The following SHOX variants were observed in gnomAD, a reference collection of about 807,000 sequenced individuals.
SHOX encodes the protein SHOX homeobox.
A neutral mutation model predicts 29.6 loss-of-function variants in SHOX; 12 were observed. That is an observed-to-expected ratio of 0.41 (90% confidence interval 0.26 to 0.66). The LOEUF is 0.66. Ranked by LOEUF, SHOX falls within the 30% of genes least tolerant of loss-of-function variation. The pLI is 0.35. For missense variants in SHOX, 499 were observed against 437.7 expected, an observed-to-expected ratio of 1.14 and a Z score of -1.25; for synonymous variants, 214 against 200.6, an observed-to-expected ratio of 1.07 and a Z score of -0.57.
At chrX:652,988 C>T (rs956659818), downstream of SHOX, among the ~76,000 whole-genome samples, 1 of 152,172 alleles carries the variant, frequency 6.6e-6, no homozygotes, top group African/African-American at 2.4e-5. Context: ...CGCCTGTCAT[C>T]CCAGCACTTT....
At position 634,845 on chromosome X, in the gene SHOX, G is replaced by C. The variant is rs771813123; in HGVS notation, c.486+19G>C. 1.9e-6 allele frequency: 3 copies of C among 1,549,676 alleles called. No homozygotes were observed. Among genetic ancestry groups the C allele is most frequent in the South Asian group, 2.4e-5 (2 of 84,344 alleles). On this transcript the variant is annotated intron_variant, in intron 2 of 4. Coordinates refer to ENST00000686671, the MANE Select transcript of SHOX (RefSeq NM_000451.4). ...CGTGCAGGTAGGAACCCGGGGGCGG[G>C]GGCGGGGGGCCCGGAGCCATCGCCT...
chrX:639,885 C>T (rs1339982926), intron 2 of SHOX, among the ~76,000 whole-genome samples: 1 of 151,296 alleles, frequency 6.6e-6, no homozygotes, highest in Non-Finnish European at 1.5e-5. Flanking sequence ...CCTGTAATTC[C>T]AGCTACTCGG....
chrX:657,969 GTCTCTC>G (rs763260813), intron 5 of SHOX, among the ~76,000 whole-genome samples: 67 of 151,368 alleles, frequency 4.4e-4, no homozygotes, highest in Admixed American at 1.3e-3. Flanking sequence ...TCTCCAGGTG[GTCTCTC>G]TCTCTCTCTC....
In SHOX at chrX:651,078, C is replaced by G. The variant is rs1348738551; in HGVS notation, c.*6442C>G. On this transcript the variant is annotated 3_prime_UTR_variant, in exon 5 of 5. Transcript: ENST00000686671. Reference sequence around the variant, plus strand: ...AGGAGGCAAAAGCCCCTGCTTCTTACTTTGTGATGTATGTGCATTTGTTAT... The same window carrying G: ...AGGAGGCAAAAGCCCCTGCTTCTTAGTTTGTGATGTATGTGCATTTGTTAT... Among the ~76,000 whole-genome samples the G allele has an allele frequency of 6.7e-6, 1 of 150,056 alleles. No individual in the cohort carries two copies. Among genetic ancestry groups the G allele is most frequent in the African/African-American group, 2.5e-5 (1 of 40,670 alleles).
chrX:624,681 C>CGTT (rs1415687772), intron 1 of SHOX: 1 of 140,634 alleles, frequency 7.1e-6, no homozygotes, highest in African/African-American at 2.8e-5. Context: ...TTCCTTCCTT[C>CGTT]CTTCCTCTCT....
downstream of SHOX, among the ~76,000 whole-genome samples, chrX:652,521 G>A (rs1399124197): frequency 6.6e-6 from 1 of 151,938 alleles, no homozygotes; most frequent in Non-Finnish European, 1.5e-5. Context: ...GGTGGGCAGT[G>A]CTGGGGGAGC....
chrX:655,481 C>G (rs1162761777), downstream of SHOX, among the ~76,000 whole-genome samples: 3 of 150,774 alleles, frequency 2.0e-5, no homozygotes, highest in South Asian at 6.3e-4. Context: ...GGCTCCTGCC[C>G]GTGATCCCAG....
At chrX:631,229 C>T (rs2052643258) in intron 1 of SHOX, 55 bp downstream of exon 1, 14 of 1,600,328 alleles carry the variant, frequency 8.7e-6, no homozygotes, top group Non-Finnish European at 1.2e-5. Flanking sequence ...TCGGCGCCTC[C>T]TCGCCACGGA....
At position 639,116 on chromosome X, in the gene SHOX, A is replaced by G. The variant is rs762548834; in HGVS notation, c.487-1705A>G. ...GCAGAGGAGGCTCGTAGGAGGTGAG[A>G]GGGGGTGGAATTTGCATGCAAATCT... On this transcript the variant is annotated intron_variant, in intron 2 of 4. Coordinates refer to ENST00000686671, the MANE Select transcript of SHOX (RefSeq NM_000451.4). Among the ~76,000 whole-genome samples the G allele has an allele frequency of 5.2e-3, 795 of 152,116 alleles. 5 individuals are homozygous for G. The highest frequency in any genetic ancestry group is 8.7e-3 in the Non-Finnish European group (591 of 67,970).
downstream of SHOX, among the ~76,000 whole-genome samples, chrX:655,608 CTCTCTCTATATA>C (rs1304916073): frequency 1.7e-3 from 42 of 24,524 alleles, no homozygotes; most frequent in East Asian, 8.2e-3. Flanking sequence ...CTCTCTCTCT[CTCTCTCTATATA>C]TATATATATA....
upstream of SHOX, chrX:630,605 TACGG>T (rs1349292401): frequency 3.6e-6 from 2 of 562,284 alleles, no homozygotes; most frequent in African/African-American, 3.8e-5. Context: ...CACCAAGGTG[TACGG>T]ACGCCAAACA....
chrX:640,910 G>A, intron 3 of SHOX, 32 bp downstream of exon 3: 1 of 1,613,756 alleles, frequency 6.2e-7, no homozygotes, highest in Non-Finnish European at 8.5e-7. Context: ...ACCTGAAGCT[G>A]GGGGATCCTG....
chrX:654,033 C>T (rs1451135911), downstream of SHOX, among the ~76,000 whole-genome samples: 2 of 152,168 alleles, frequency 1.3e-5, no homozygotes, highest in Admixed American at 6.5e-5. Flanking sequence ...CCAAAACAGA[C>T]GTATTTTAAT....
Position 634,683 on chromosome X carries a change from C to G in SHOX, c.343C>G (p.Leu115Val). 6.2e-7 allele frequency: 1 copy of G among 1,613,942 alleles called. No individual in the cohort carries two copies. The highest frequency in any genetic ancestry group is 8.5e-7 in the Non-Finnish European group (1 of 1,179,866). The change falls in exon 2 of 5, where the codon CTG becomes GTG. Residue 115 changes from leucine (L) to valine (V), a missense_variant. Coordinates refer to ENST00000686671, the MANE Select transcript of SHOX (RefSeq NM_000451.4). ...GGAGGACGAGGACGGGCAGACCAAG[C>G]TGAAACAGAGGCGCAGCCGCACCAA... ...KSEDEDGQTK[L>V]KQRRSRTNFT...
chrX:629,499 C>T (rs756466334), upstream of SHOX, among the ~76,000 whole-genome samples: 1 of 151,822 alleles, frequency 6.6e-6, no homozygotes, highest in African/African-American at 2.4e-5. Context: ...CTTTCTCTCT[C>T]TCTCTCCATC....
chrX:643,489 T>G (rs868522650), intron 4 of SHOX, among the ~76,000 whole-genome samples: 364 of 104,874 alleles, frequency 3.5e-3, no homozygotes, highest in African/African-American at 0.011. Flanking sequence ...GGGAGAGCCT[T>G]GGGGACCTGG....
rs1192004680 is a variant in SHOX at position 636,967 on chromosome X, TATA to T, written c.486+2142_486+2144del. Reference sequence around the variant, plus strand: ...TTAAAAATATATATATATATATATATATATTTTGGCTCCTGATTCTCTTCCGTC... The same window carrying T: ...TTAAAAATATATATATATATATATATTTTTGGCTCCTGATTCTCTTCCGTC... On this transcript the variant is annotated intron_variant, in intron 2 of 4. Transcript: ENST00000686671. 4.9e-5 allele frequency among the ~76,000 whole-genome samples: 7 copies of T among 143,358 alleles called. 1 individual carries two copies. Among genetic ancestry groups the T allele is most frequent in the African/African-American group, 1.8e-4 (7 of 37,858 alleles). 94.0% of individuals were successfully genotyped at this position (143,358 alleles called of 152,430 possible). A position where few individuals can be genotyped will look rare whatever the true frequency, so the allele number is the denominator to read the frequency against.
chrX:639,331 C>T (rs974421154), intron 2 of SHOX, among the ~76,000 whole-genome samples: 1 of 152,156 alleles, frequency 6.6e-6, no homozygotes, highest in Non-Finnish European at 1.5e-5. Flanking sequence ...TGTATGGGGA[C>T]CCTTGGTAAT....
At chrX:633,645 C>G (rs780061301) in intron 1 of SHOX, among the ~76,000 whole-genome samples, 1 of 152,138 alleles carries the variant, frequency 6.6e-6, no homozygotes, top group South Asian at 2.1e-4. Context: ...CCAGACTAAA[C>G]TTCCAAATGT....
Sources: gnomAD v4.1 joint callset for allele counts (sites outside exome capture counted in the v4.1 genomes callset) on GRCh38, gnomAD v4.1.1 for gene constraint, MANE v1.5 for transcripts, NCBI Gene and HGNC (gene_info 2026-07-23, HGNC 2026-07-21) for gene names.